SYT1: variants seen among roughly 807,000 people sequenced by gnomAD.
SYT1 encodes synaptotagmin 1, also known as synaptotagmin-1.
Under a neutral mutation model 44.8 loss-of-function variants are expected in SYT1, and 8 were observed. The ratio of observed to expected loss-of-function variants is 0.18; its 90% CI spans 0.10 to 0.32. The LOEUF (loss-of-function observed/expected upper bound fraction) is 0.32. SYT1 is among the 10% of genes least tolerant of loss of function. The pLI, the probability that SYT1 is intolerant of heterozygous loss-of-function variation, is 1.00. For missense variants in SYT1, 286 were observed against 509.3 expected, an observed-to-expected ratio of 0.56 and a Z score of 4.22; for synonymous variants, 154 against 188.8, an observed-to-expected ratio of 0.82 and a Z score of 1.51.
rs146130295 is a variant in SYT1 at position 79,214,190 on chromosome 12, A to G, written c.-17-3313A>G. ...ATTACCCACAACATTTTTGTATTTT[A>G]TGATTTTTTTAAATTTCACAGTGGT... is the stretch of plus-strand genomic sequence containing the variant. On this transcript the variant is annotated intron_variant, in intron 3 of 10. Coordinates refer to ENST00000261205, the MANE Select transcript of SYT1 (RefSeq NM_005639.3). Among the ~76,000 whole-genome samples the G allele has an allele frequency of 3.6e-3, 542 of 152,326 alleles. 6 individuals are homozygous for G. The highest frequency in any genetic ancestry group is 0.013 in the African/African-American group (531 of 41,584).
chr12:79,030,442 T>C (rs1872762581), intron 2 of SYT1, among the ~76,000 whole-genome samples: 1 of 151,196 alleles, frequency 6.6e-6, no homozygotes, highest in East Asian at 1.9e-4. Flanking sequence ...CTTTTCTCTA[T>C]CAAAACGCAT....
chr12:79,438,274 A>G (rs905938933), intron 9 of SYT1, among the ~76,000 whole-genome samples: 1 of 152,194 alleles, frequency 6.6e-6, no homozygotes, highest in Non-Finnish European at 1.5e-5. Context: ...GGCCAAAAAA[A>G]AGATGGCAGA....
chr12:79,142,412 A>C (rs899202484), intron 3 of SYT1, among the ~76,000 whole-genome samples: 1 of 152,242 alleles, frequency 6.6e-6, no homozygotes, highest in Admixed American at 6.5e-5. Context: ...TGGGAGAGAC[A>C]AAATGTAGAA....
chr12:79,339,021 G>C (rs1300832540), intron 8 of SYT1, among the ~76,000 whole-genome samples: 2 of 152,160 alleles, frequency 1.3e-5, no homozygotes, highest in African/African-American at 4.8e-5. Context: ...TGGCTGCGTA[G>C]TATTCCATGG....
At chr12:79,428,978 G>A (rs1360658544) in intron 9 of SYT1, among the ~76,000 whole-genome samples, 1 of 152,044 alleles carries the variant, frequency 6.6e-6, no homozygotes, top group Non-Finnish European at 1.5e-5. Flanking sequence ...GAGAGTGGGA[G>A]GAAAGTGCCA....
At chr12:79,086,049 C>T (rs1288760627) in intron 3 of SYT1, among the ~76,000 whole-genome samples, 1 of 152,090 alleles carries the variant, frequency 6.6e-6, no homozygotes, top group Non-Finnish European at 1.5e-5. Context: ...AACTACTCTA[C>T]AAGCAGTTTA....
intron 9 of SYT1, among the ~76,000 whole-genome samples, chr12:79,424,933 T>C (rs1202325835): frequency 1.3e-5 from 2 of 150,898 alleles, no homozygotes; most frequent in Admixed American, 6.6e-5. Flanking sequence ...GGTTTTGTTT[T>C]GCTTTTGATT....
intron 1 of SYT1, among the ~76,000 whole-genome samples, chr12:78,895,061 C>A (rs12822198): frequency 1.2e-4 from 18 of 151,142 alleles, no homozygotes; most frequent in Non-Finnish European, 2.4e-4. Flanking sequence ...ATTAGATAAG[C>A]TAAAATTAAA....
intron 3 of SYT1, among the ~76,000 whole-genome samples, chr12:79,115,095 C>T (rs891184939): frequency 3.3e-5 from 5 of 152,112 alleles, no homozygotes; most frequent in African/African-American, 9.7e-5. Context: ...AGTAAATTAT[C>T]TCCAATTACT....
At chr12:79,049,673 C>A (rs10861415) in intron 3 of SYT1, among the ~76,000 whole-genome samples, 3 of 151,704 alleles carry the variant, frequency 2.0e-5, no homozygotes, top group Admixed American at 6.6e-5. Context: ...ATAGATAATA[C>A]AGTGACATTT....
intron 1 of SYT1, among the ~76,000 whole-genome samples, chr12:78,912,067 T>G (rs2137130096): frequency 6.6e-6 from 1 of 152,056 alleles, no homozygotes; most frequent in Non-Finnish European, 1.5e-5. Context: ...GTTTTCTCTG[T>G]AACACTTGGA....
At chr12:79,402,334 G>C (rs77805776) in intron 9 of SYT1, among the ~76,000 whole-genome samples, 2,007 of 152,248 alleles carry the variant, frequency 0.013, 14 homozygotes, top group Middle Eastern at 0.031. Context: ...CAATTTCCCA[G>C]TCTCAATACA....
intron 1 of SYT1, among the ~76,000 whole-genome samples, chr12:78,919,826 T>C (rs1012653037): frequency 2.6e-5 from 4 of 152,012 alleles, no homozygotes; most frequent in Admixed American, 2.0e-4. Flanking sequence ...AAATAAATTT[T>C]TACCTGTCCA....
chr12:79,364,306 C>T (rs1883449288), intron 9 of SYT1, among the ~76,000 whole-genome samples: 3 of 147,924 alleles, frequency 2.0e-5, no homozygotes, highest in African/African-American at 7.5e-5. Flanking sequence ...CACAGAAATG[C>T]ACACATTACT....
intron 9 of SYT1, among the ~76,000 whole-genome samples, chr12:79,383,274 G>A (rs891426174): frequency 6.6e-6 from 1 of 152,144 alleles, no homozygotes. Context: ...ACTGAATATT[G>A]TAAGCAGTGG....
chr12:79,356,589 A>C (rs1883122951), intron 9 of SYT1, among the ~76,000 whole-genome samples: 1 of 152,242 alleles, frequency 6.6e-6, no homozygotes, highest in South Asian at 2.1e-4. Context: ...TTATATAATA[A>C]GATCATTCCA....
intron 4 of SYT1, among the ~76,000 whole-genome samples, chr12:79,241,674 T>A (rs1876521950): frequency 6.6e-6 from 1 of 152,230 alleles, no homozygotes; most frequent in African/African-American, 2.4e-5. Flanking sequence ...AAAATGTATC[T>A]GCATTAAGAA....
At chr12:78,950,000 A>AT (rs199848559) in intron 1 of SYT1, among the ~76,000 whole-genome samples, 1,708 of 152,100 alleles carry the variant, frequency 0.011, 12 homozygotes, top group Admixed American at 0.026. Flanking sequence ...ATATTTTAGC[A>AT]TTTTTCTGTT....
Position 79,339,753 on chromosome 12 carries a change from G to A in SYT1, c.811-13749G>A, listed in dbSNP as rs557941271. Among the ~76,000 whole-genome samples the A allele has an allele frequency of 2.8e-3, 419 of 152,258 alleles. 1 individual carries two copies. The highest frequency in any genetic ancestry group is 4.6e-3 in the Non-Finnish European group (316 of 68,022). The stretch of plus-strand genomic sequence containing the variant: ...TCATGAAGTCCTTGCCCATGCCTAC[G>A]TCCTGAATGGTATTGCCTAGGTTTT... On this transcript the variant is annotated intron_variant, in intron 8 of 10. Coordinates refer to ENST00000261205, the MANE Select transcript of SYT1 (RefSeq NM_005639.3).
Sources: gnomAD v4.1 joint callset for allele counts (sites outside exome capture counted in the v4.1 genomes callset) on GRCh38, gnomAD v4.1.1 for gene constraint, MANE v1.5 for transcripts, NCBI Gene and HGNC (gene_info 2026-07-23, HGNC 2026-07-21) for gene names.